The following STK32B variants were observed in gnomAD, a reference collection of about 807,000 sequenced individuals.
The protein encoded by STK32B is serine/threonine kinase 32B, also known as serine/threonine-protein kinase 32B.
In STK32B, 43 loss-of-function variants were observed where a neutral mutation model predicts 52.6. The ratio of observed to expected loss-of-function variants is 0.82; its 90% CI spans 0.64 to 1.05. STK32B has a LOEUF of 1.05. STK32B is among the 50% of genes least tolerant of loss of function. The probability of loss-of-function intolerance (pLI) is 0.00; values close to 1 mark genes in which losing one functional copy is unlikely to be tolerated. For synonymous variants in STK32B, 238 were observed against 204.3 expected, an observed-to-expected ratio of 1.17 and a Z score of -1.41; for missense variants, 621 against 534.6, an observed-to-expected ratio of 1.16 and a Z score of -1.59.
intron 3 of STK32B, among the ~76,000 whole-genome samples, chr4:5,302,578 G>T (rs1483312784): frequency 1.3e-5 from 2 of 151,946 alleles, no homozygotes; most frequent in Admixed American, 6.6e-5. Context: ...ATCAATATTT[G>T]CCATTGGTTA....
At chr4:5,135,075 A>C (rs1036691809) in intron 1 of STK32B, among the ~76,000 whole-genome samples, 1 of 152,234 alleles carries the variant, frequency 6.6e-6, no homozygotes, top group Admixed American at 6.5e-5. Flanking sequence ...ACTAATTAGC[A>C]CTAATACACT....
chr4:5,305,886 G>A (rs1381915077), intron 3 of STK32B, among the ~76,000 whole-genome samples: 4 of 152,006 alleles, frequency 2.6e-5, no homozygotes, highest in African/African-American at 9.7e-5. Flanking sequence ...TATCTCAAAG[G>A]TTTTGATAGG....
At chr4:5,199,222 T>G (rs1456171804) in intron 3 of STK32B, among the ~76,000 whole-genome samples, 1 of 152,138 alleles carries the variant, frequency 6.6e-6, no homozygotes, top group Non-Finnish European at 1.5e-5. Context: ...ACATGCACGG[T>G]GGTTGTTTGT....
At chr4:5,320,218 A>G (rs902345244) in intron 3 of STK32B, among the ~76,000 whole-genome samples, 3 of 152,104 alleles carry the variant, frequency 2.0e-5, no homozygotes, top group Admixed American at 6.5e-5. Context: ...TAGAGCGGCC[A>G]CATCTGGTTG....
chr4:5,071,798 A>G (rs1711796171), intron 1 of STK32B, among the ~76,000 whole-genome samples: 2 of 152,210 alleles, frequency 1.3e-5, no homozygotes, highest in Non-Finnish European at 2.9e-5. Flanking sequence ...CTGAGGTATC[A>G]TGGTCTTAAA....
chr4:5,095,800 A>G (rs1178708550), intron 1 of STK32B, among the ~76,000 whole-genome samples: 1 of 152,240 alleles, frequency 6.6e-6, no homozygotes, highest in East Asian at 1.9e-4. Context: ...ATGGCCCACA[A>G]TGAGCAACAT....
chr4:5,094,102 T>C (rs1034901168), intron 1 of STK32B, among the ~76,000 whole-genome samples: 1 of 152,058 alleles, frequency 6.6e-6, no homozygotes, highest in African/African-American at 2.4e-5. Flanking sequence ...TTATCTTACA[T>C]TGAAAGTGCA....
chr4:5,414,560 C>A (rs1711998404), intron 5 of STK32B, among the ~76,000 whole-genome samples: 1 of 152,074 alleles, frequency 6.6e-6, no homozygotes, highest in Non-Finnish European at 1.5e-5. Context: ...CATTGGGGAG[C>A]ACTGTGGGTA....
intron 1 of STK32B, among the ~76,000 whole-genome samples, chr4:5,127,659 A>G (rs1715487420): frequency 1.3e-5 from 2 of 152,200 alleles, no homozygotes; most frequent in Admixed American, 1.3e-4. Context: ...AGACAGACAC[A>G]TAAAGGGGAA....
Position 5,398,318 on chromosome 4 carries a change from G to T in STK32B, c.472+74G>T. On this transcript the variant is annotated intron_variant, in intron 5 of 11. Transcript: ENST00000282908. The surrounding 1 kb of genome is among the most constrained non-coding windows in gnomAD (Gnocchi z 4.9). ...GGCACTGGGAAATAGTGCGGGGGTG[G>T]GGGTTGGGTCTTGCTGAGTTGGACA... 1.3e-6 allele frequency: 2 copies of T among 1,547,502 alleles called. No homozygotes were observed. The highest frequency in any genetic ancestry group is 1.8e-6 in the Non-Finnish European group (2 of 1,125,392).
At chr4:5,481,210 G>A (rs1448149395) in intron 11 of STK32B, among the ~76,000 whole-genome samples, 2 of 152,206 alleles carry the variant, frequency 1.3e-5, no homozygotes, top group Non-Finnish European at 2.9e-5. Context: ...CAGTGTAAAA[G>A]TGTTCCTATT....
At chr4:5,065,949 C>G (rs1469564947) in intron 1 of STK32B, among the ~76,000 whole-genome samples, 3 of 152,134 alleles carry the variant, frequency 2.0e-5, no homozygotes, top group African/African-American at 4.8e-5. Context: ...GTCTCAAACT[C>G]CTGGCCTCAA....
chr4:5,143,406 G>T (rs146340713), intron 2 of STK32B, among the ~76,000 whole-genome samples: 9 of 152,258 alleles, frequency 5.9e-5, no homozygotes, highest in Admixed American at 1.3e-4. Context: ...TTTGGATCCT[G>T]GTGAGCCTCC....
At chr4:5,023,033 T>TG in the STK32B span, among the ~76,000 whole-genome samples, 1 of 150,564 alleles carries the variant, frequency 6.6e-6, no homozygotes, top group Admixed American at 6.6e-5. Flanking sequence ...ATGTGTGTGT[T>TG]TGTGTGTGTC....
intron 3 of STK32B, among the ~76,000 whole-genome samples, chr4:5,258,276 G>A (rs965595816): frequency 1.3e-5 from 2 of 152,200 alleles, no homozygotes; most frequent in African/African-American, 4.8e-5. Flanking sequence ...GCCCCAGTGT[G>A]TCACTTACTG....
chr4:5,128,996 C>G lies in STK32B; in HGVS notation c.53-10909C>G, dbSNP rs7698894. Among the ~76,000 whole-genome samples the G allele has an allele frequency of 8.1e-3, 1,239 of 152,286 alleles. 18 individuals are homozygous for G. Among genetic ancestry groups the G allele is most frequent in the African/African-American group, 0.028 (1,178 of 41,558 alleles). On this transcript the variant is annotated intron_variant, in intron 1 of 11. Transcript: ENST00000282908. ...TGTATTGCCTGGAGAGCTGTCGATT[C>G]CAGCCCTTGTGTAGCCTGTGAGACT...
chr4:5,338,830 A>G (rs1247287597), intron 4 of STK32B, among the ~76,000 whole-genome samples: 1 of 152,212 alleles, frequency 6.6e-6, no homozygotes, highest in African/African-American at 2.4e-5. Context: ...AAAGTCTACT[A>G]GGCAAATGTG....
At chr4:5,202,576 A>G (rs1038061713) in intron 3 of STK32B, among the ~76,000 whole-genome samples, 1 of 152,248 alleles carries the variant, frequency 6.6e-6, no homozygotes, top group Admixed American at 6.5e-5. Context: ...GAGGTTCTCC[A>G]TGAGGGCTCC....
intron 3 of STK32B, among the ~76,000 whole-genome samples, chr4:5,228,131 C>G (rs971746868): frequency 6.6e-6 from 1 of 152,118 alleles, no homozygotes; most frequent in Non-Finnish European, 1.5e-5. Flanking sequence ...TTGAGTATTT[C>G]ACCACCAATG....
Sources: gnomAD v4.1 joint callset for allele counts (sites outside exome capture counted in the v4.1 genomes callset) on GRCh38, gnomAD v4.1.1 for gene constraint, Gnocchi (gnomAD v3.1) non-coding constraint, MANE v1.5 for transcripts, NCBI Gene and HGNC (gene_info 2026-07-23, HGNC 2026-07-21) for gene names.